Variants in FOXP1 observed in about 807,000 individuals in gnomAD.
FOXP1 encodes forkhead box protein P1.
A neutral mutation model predicts 98.2 loss-of-function variants in FOXP1; 15 were observed. The observed-to-expected ratio is 0.15, with a 90% CI of 0.10 to 0.24. FOXP1 has a LOEUF of 0.24. Ranked by LOEUF, FOXP1 falls within the 10% of genes least tolerant of loss-of-function variation. The pLI is 1.00. For synonymous variants in FOXP1, 371 were observed against 314.5 expected (o/e 1.18, Z -1.90); for missense variants, 633 against 848.5 (o/e 0.75, Z 3.15).
At chr3:71,515,143 TTTCTAGACCCTCTCA>T (rs1355575045) in intron 2 of FOXP1, among the ~76,000 whole-genome samples, 1 of 152,164 alleles carries the variant, frequency 6.6e-6, no homozygotes, top group Non-Finnish European at 1.5e-5. Flanking sequence ...CAAACTGGCA[TTTCTAGACCCTCTCA>T]TAACCAAAAC....
chr3:71,092,647 C>T (rs1383981342), intron 7 of FOXP1, among the ~76,000 whole-genome samples: 1 of 151,788 alleles, frequency 6.6e-6, no homozygotes, highest in Non-Finnish European at 1.5e-5. Flanking sequence ...CATCTTAAGC[C>T]TGCACAAATA....
At chr3:71,335,939 G>A (rs1296083778) in intron 4 of FOXP1, among the ~76,000 whole-genome samples, 1 of 149,132 alleles carries the variant, frequency 6.7e-6, no homozygotes, top group Non-Finnish European at 1.5e-5. Context: ...TGGAGGCGGA[G>A]GCGGAGGTTG....
chr3:71,401,670 G>C (rs2081964942), intron 3 of FOXP1, among the ~76,000 whole-genome samples: 2 of 152,194 alleles, frequency 1.3e-5, no homozygotes, highest in South Asian at 4.1e-4. Flanking sequence ...GACAACCTTT[G>C]CTGGGCATCT....
At chr3:71,249,364 A>G (rs1451181856) in intron 5 of FOXP1, among the ~76,000 whole-genome samples, 2 of 152,214 alleles carry the variant, frequency 1.3e-5, no homozygotes, top group African/African-American at 4.8e-5. Flanking sequence ...AAAAACAACA[A>G]TAGAAGCTAC....
intron 1 of FOXP1, chr3:71,582,352 T>C (rs1578278372): frequency 3.1e-6 from 3 of 970,854 alleles, no homozygotes; most frequent in East Asian, 1.2e-4. Context: ...CCGCGGCAAC[T>C]GGCAAACTCC....
At chr3:71,530,434 C>A (rs2043745737) in intron 2 of FOXP1, among the ~76,000 whole-genome samples, 1 of 152,282 alleles carries the variant, frequency 6.6e-6, no homozygotes, top group South Asian at 2.1e-4. Flanking sequence ...TAATAAATTT[C>A]TTTCCTTTAT....
intron 3 of FOXP1, among the ~76,000 whole-genome samples, chr3:71,450,364 C>T (rs981779280): frequency 3.3e-5 from 5 of 152,204 alleles, no homozygotes; most frequent in Admixed American, 2.0e-4. Flanking sequence ...TTCGCCCTCC[C>T]CAGCTCAACC....
At chr3:71,240,488 G>T (rs2067162905) in intron 5 of FOXP1, among the ~76,000 whole-genome samples, 1 of 152,038 alleles carries the variant, frequency 6.6e-6, no homozygotes, top group Admixed American at 6.5e-5. Flanking sequence ...GGCAGAATGG[G>T]GGGAAAAAAG....
intron 4 of FOXP1, among the ~76,000 whole-genome samples, chr3:71,352,915 C>T (rs1028366961): frequency 2.0e-5 from 3 of 152,254 alleles, no homozygotes; most frequent in Admixed American, 6.5e-5. Context: ...AAGGTCTAAG[C>T]ACCAATTATT....
intron 3 of FOXP1, among the ~76,000 whole-genome samples, chr3:71,392,905 C>G (rs962954251): frequency 6.6e-6 from 1 of 151,966 alleles, no homozygotes; most frequent in African/African-American, 2.4e-5. Context: ...TCACATTTTA[C>G]AAAAAGAACA....
intron 12 of FOXP1, among the ~76,000 whole-genome samples, chr3:71,005,335 A>AAAC (rs2042651932): frequency 6.7e-6 from 1 of 148,914 alleles, no homozygotes; most frequent in Non-Finnish European, 1.5e-5. Flanking sequence ...AAAAAAAAAA[A>AAAC]AAAAAACCAG....
intron 3 of FOXP1, among the ~76,000 whole-genome samples, chr3:71,404,759 G>C (rs965392905): frequency 2.0e-5 from 3 of 152,106 alleles, no homozygotes; most frequent in Non-Finnish European, 4.4e-5. Context: ...CATATGAGAA[G>C]AATACCATTT....
At chr3:71,542,114 C>G (rs2044886922) in intron 2 of FOXP1, 1 of 477,158 alleles carries the variant, frequency 2.1e-6, no homozygotes, top group African/African-American at 2.0e-5. Flanking sequence ...AGAAATGCAG[C>G]ATTAAAATAA....
chr3:71,161,997 A>C (rs894475945), intron 6 of FOXP1, among the ~76,000 whole-genome samples: 1 of 152,244 alleles, frequency 6.6e-6, no homozygotes, highest in Non-Finnish European at 1.5e-5. Context: ...AAGCTCCCTT[A>C]GTATAGATAA....
chr3:71,394,622 A>C (rs1051857322), intron 3 of FOXP1, among the ~76,000 whole-genome samples: 1 of 152,238 alleles, frequency 6.6e-6, no homozygotes, highest in Non-Finnish European at 1.5e-5. Flanking sequence ...TGTATTTTGT[A>C]TATGACTTTG....
intron 2 of FOXP1, among the ~76,000 whole-genome samples, chr3:71,537,883 G>A (rs1460161531): frequency 6.6e-6 from 1 of 152,088 alleles, no homozygotes; most frequent in Non-Finnish European, 1.5e-5. Context: ...AATACTATTT[G>A]GTGACACATG....
intron 5 of FOXP1, among the ~76,000 whole-genome samples, chr3:71,295,929 G>A (rs553524179): frequency 2.6e-5 from 4 of 152,258 alleles, no homozygotes; most frequent in East Asian, 1.9e-4. Context: ...CAACGGGACC[G>A]TTTTTCCAGT....
intron 12 of FOXP1, among the ~76,000 whole-genome samples, chr3:71,011,024 A>C (rs1233171374): frequency 6.6e-6 from 1 of 152,150 alleles, no homozygotes; most frequent in Non-Finnish European, 1.5e-5. Context: ...CTTATTTTCC[A>C]CTGCACTAGG....
intron 2 of FOXP1, among the ~76,000 whole-genome samples, chr3:71,515,463 T>C (rs1186162109): frequency 6.8e-6 from 1 of 147,526 alleles, no homozygotes; most frequent in African/African-American, 2.5e-5. Flanking sequence ...ACTGCACATT[T>C]ATACAGCTGA....
Sources: allele counts gnomAD v4.1 joint callset (sites outside exome capture counted in the v4.1 genomes callset), GRCh38; gene constraint gnomAD v4.1.1; transcripts MANE v1.5; gene names NCBI Gene and HGNC (gene_info 2026-07-23, HGNC 2026-07-21).